The following EDDM3A variants were observed in gnomAD, a reference collection of about 807,000 sequenced individuals.
EDDM3A encodes epididymal secretory protein E3-alpha.
For synonymous variants in EDDM3A, 75 were observed against 60.4 expected, an observed-to-expected ratio of 1.24 and a Z score of -1.12; for missense variants, 199 against 177.4, an observed-to-expected ratio of 1.12 and a Z score of -0.69.
At chr14:20,746,589 T>G (rs1877594481) in intron 1 of EDDM3A, among the ~76,000 whole-genome samples, 1 of 152,236 alleles carries the variant, frequency 6.6e-6, no homozygotes, top group Non-Finnish European at 1.5e-5. Context: ...TGTCCTTTTA[T>G]GATGGCATTG....
chr14:20,738,542 T>C, the EDDM3A span, among the ~76,000 whole-genome samples: 1 of 152,054 alleles, frequency 6.6e-6, no homozygotes, highest in African/African-American at 2.4e-5. Context: ...AATTTACATA[T>C]GGGGAAAAAT....
chr14:20,744,195 C>T (rs891922872), upstream of EDDM3A, among the ~76,000 whole-genome samples: 6 of 152,188 alleles, frequency 3.9e-5, no homozygotes, highest in Non-Finnish European at 1.5e-5. Context: ...TTTGCTCTCC[C>T]CTGTCCCCCA....
At chr14:20,740,561 G>A in the EDDM3A span, among the ~76,000 whole-genome samples, 1 of 152,318 alleles carries the variant, frequency 6.6e-6, no homozygotes, top group African/African-American at 2.4e-5. Context: ...CCCTGCTCAA[G>A]GACATTTTTA....
chr14:20,737,470 G>A, the EDDM3A span, among the ~76,000 whole-genome samples: 5 of 152,010 alleles, frequency 3.3e-5, no homozygotes, highest in South Asian at 2.1e-4. Flanking sequence ...ATACACACGC[G>A]GGATGAGAAA....
the EDDM3A span, among the ~76,000 whole-genome samples, chr14:20,737,214 C>A: frequency 1.3e-5 from 2 of 151,646 alleles, no homozygotes; most frequent in East Asian, 3.9e-4. Context: ...ACACCACGTC[C>A]CACTAATTTT....
At chr14:20,746,618 T>C (rs537987759) in intron 1 of EDDM3A, among the ~76,000 whole-genome samples, 6 of 152,310 alleles carry the variant, frequency 3.9e-5, no homozygotes, top group Admixed American at 3.9e-4. Context: ...CTCTAACAAA[T>C]GAAGATCATT....
the EDDM3A span, among the ~76,000 whole-genome samples, chr14:20,740,218 T>A: frequency 6.6e-6 from 1 of 152,234 alleles, no homozygotes; most frequent in Non-Finnish European, 1.5e-5. Flanking sequence ...TATCTCAGTA[T>A]GTTGACTTGC....
At chr14:20,744,350 C>T (rs1178427176), upstream of EDDM3A, among the ~76,000 whole-genome samples, 1 of 152,208 alleles carries the variant, frequency 6.6e-6, no homozygotes. Context: ...ATAAACTGAA[C>T]CTTCTGTCAT....
intron 1 of EDDM3A, among the ~76,000 whole-genome samples, 181 bp downstream of exon 1, chr14:20,746,173 G>A (rs765310612): frequency 7.9e-5 from 12 of 152,082 alleles, no homozygotes; most frequent in Non-Finnish European, 1.8e-4. Context: ...TTCCTTCACC[G>A]CCAGTCCTCC....
At chr14:20,743,905 T>C (rs1877508911), upstream of EDDM3A, among the ~76,000 whole-genome samples, 2 of 152,190 alleles carry the variant, frequency 1.3e-5, no homozygotes, top group African/African-American at 2.4e-5. Context: ...GCTTAGCTCA[T>C]AGGAGAGTTC....
upstream of EDDM3A, among the ~76,000 whole-genome samples, chr14:20,742,798 T>G (rs951144946): frequency 6.6e-6 from 1 of 152,056 alleles, no homozygotes; most frequent in African/African-American, 2.4e-5. Flanking sequence ...GTTATCATTA[T>G]GTTGACCAGG....
intron 1 of EDDM3A, 114 bp downstream of exon 1, chr14:20,746,106 G>T (rs954544578): frequency 6.6e-6 from 1 of 152,208 alleles, no homozygotes; most frequent in South Asian, 2.1e-4. Flanking sequence ...GGAAAACAAA[G>T]GTCTGAATTC....
upstream of EDDM3A, among the ~76,000 whole-genome samples, chr14:20,741,432 G>A (rs1243721682): frequency 2.6e-5 from 4 of 152,296 alleles, no homozygotes; most frequent in African/African-American, 7.2e-5. Context: ...CTGAACCAAA[G>A]AGAACTATAA....
upstream of EDDM3A, among the ~76,000 whole-genome samples, chr14:20,743,535 C>G (rs1437865017): frequency 7.0e-6 from 1 of 143,156 alleles, no homozygotes; most frequent in East Asian, 1.9e-4. Flanking sequence ...AAACTCCATT[C>G]CAAAAATAAT....
the EDDM3A span, among the ~76,000 whole-genome samples, chr14:20,740,469 C>T: frequency 6.6e-6 from 1 of 152,208 alleles, no homozygotes; most frequent in Admixed American, 6.5e-5. Flanking sequence ...CCAACATCCT[C>T]TTTTCCTTCT....
chr14:20,737,859 C>T, the EDDM3A span, among the ~76,000 whole-genome samples: 1 of 152,168 alleles, frequency 6.6e-6, no homozygotes, highest in African/African-American at 2.4e-5. Flanking sequence ...GAAATGCTTG[C>T]TTCATATAAT....
chr14:20,739,995 A>G, the EDDM3A span, among the ~76,000 whole-genome samples: 4 of 152,156 alleles, frequency 2.6e-5, no homozygotes, highest in African/African-American at 9.7e-5. Flanking sequence ...CCACCATGCA[A>G]CTGGCTCAGA....
chr14:20,745,813 TC>T (rs1281688756), upstream of EDDM3A: 1 of 152,288 alleles, frequency 6.6e-6, no homozygotes, highest in East Asian at 1.9e-4. Context: ...ATAAGGCTGT[TC>T]CCCATCACCA....
chr14:20,741,520 C>T (rs554229430), upstream of EDDM3A, among the ~76,000 whole-genome samples: 3 of 152,216 alleles, frequency 2.0e-5, no homozygotes, highest in East Asian at 5.8e-4. Context: ...CCATAGGAGC[C>T]CCACATAAGT....
Sources: gnomAD v4.1 joint callset for allele counts (sites outside exome capture counted in the v4.1 genomes callset) on GRCh38, gnomAD v4.1.1 for gene constraint, MANE v1.5 for transcripts, NCBI Gene and HGNC (gene_info 2026-07-23, HGNC 2026-07-21) for gene names.